The following CSMD1 variants were observed in gnomAD, a reference collection of about 807,000 sequenced individuals.
The protein encoded by CSMD1 is CUB and Sushi multiple domains 1.
Under a neutral mutation model 417.5 loss-of-function variants are expected in CSMD1, and 213 were observed. The ratio of observed to expected loss-of-function variants is 0.51; its 90% CI spans 0.46 to 0.57. The LOEUF is 0.57. CSMD1 is among the 20% of genes least tolerant of loss of function. The pLI, the probability that CSMD1 is intolerant of heterozygous loss-of-function variation, is 0.00. For missense variants in CSMD1, 6,923 were observed against 4,529.7 expected, an observed-to-expected ratio of 1.53 and a Z score of -15.17; for synonymous variants, 2,862 against 1,736.8, an observed-to-expected ratio of 1.65 and a Z score of -16.11.
chr8:4,122,511 A>G (rs577590150), intron 3 of CSMD1, among the ~76,000 whole-genome samples: 56 of 152,308 alleles, frequency 3.7e-4, no homozygotes, highest in African/African-American at 1.1e-3. Context: ...AAAGAGAACC[A>G]GAAAGTACCA....
chr8:3,680,045 G>A (rs1259386473), intron 7 of CSMD1, among the ~76,000 whole-genome samples: 2 of 151,994 alleles, frequency 1.3e-5, no homozygotes, highest in African/African-American at 2.4e-5. Context: ...AGTGTGTAGA[G>A]GAAAATTTAT....
At chr8:3,796,615 TATAG>T (rs1373260753) in intron 5 of CSMD1, among the ~76,000 whole-genome samples, 1 of 148,214 alleles carries the variant, frequency 6.7e-6, no homozygotes, top group Non-Finnish European at 1.5e-5. Flanking sequence ...TGTATAGATG[TATAG>T]ATATATATCT....
At chr8:3,450,726 T>C (rs1349858917) in intron 12 of CSMD1, among the ~76,000 whole-genome samples, 1 of 152,158 alleles carries the variant, frequency 6.6e-6, no homozygotes, top group Non-Finnish European at 1.5e-5. Context: ...GTTGGACATT[T>C]GGGTTGGTTC....
At chr8:4,933,500 C>T (rs1286025788) in intron 1 of CSMD1, among the ~76,000 whole-genome samples, 1 of 152,126 alleles carries the variant, frequency 6.6e-6, no homozygotes, top group Non-Finnish European at 1.5e-5. Flanking sequence ...TAAGTAAATG[C>T]CAGCAGTTGC....
At chr8:4,581,029 A>G (rs1417785850) in intron 2 of CSMD1, among the ~76,000 whole-genome samples, 3 of 152,214 alleles carry the variant, frequency 2.0e-5, no homozygotes, top group Non-Finnish European at 2.9e-5. Context: ...ATGGCTAGGT[A>G]AATCAATCCA....
chr8:3,735,120 C>G (rs1043216764), intron 6 of CSMD1, among the ~76,000 whole-genome samples: 3 of 152,234 alleles, frequency 2.0e-5, no homozygotes, highest in Non-Finnish European at 4.4e-5. Flanking sequence ...CAAAATAACT[C>G]TTTTCAATCA....
At position 3,209,933 on chromosome 8, in the gene CSMD1, G is replaced by T. The variant is rs372454724; in HGVS notation, c.4868-4313C>A. ...AAAACTAGCAAACAGAAGTCATTGTGACCCATGAAAGGGGCTCAACTTTGC... is the reference window on the plus strand; with the variant it reads ...AAAACTAGCAAACAGAAGTCATTGTTACCCATGAAAGGGGCTCAACTTTGC... On this transcript the variant is annotated intron_variant, in intron 30 of 69. Coordinates refer to ENST00000635120, the MANE Select transcript of CSMD1 (RefSeq NM_033225.6). Among the ~76,000 whole-genome samples the T allele has an allele frequency of 2.6e-5, 4 of 152,194 alleles. No individual in the cohort carries two copies. In the East Asian group the frequency reaches 7.7e-4, roughly 29 times the overall value.
At chr8:4,089,876 C>T (rs561560041) in intron 3 of CSMD1, among the ~76,000 whole-genome samples, 28 of 152,160 alleles carry the variant, frequency 1.8e-4, no homozygotes, top group Admixed American at 5.9e-4. Flanking sequence ...CAGAGAAGTA[C>T]CTGCAGAGCT....
intron 26 of CSMD1, among the ~76,000 whole-genome samples, chr8:3,254,767 T>C (rs1470185138): frequency 6.6e-6 from 1 of 152,178 alleles, no homozygotes; most frequent in Non-Finnish European, 1.5e-5. Flanking sequence ...TAGTTAGCCA[T>C]TCATGTAATT....
chr8:4,165,606 T>G (rs1178808233), intron 3 of CSMD1, among the ~76,000 whole-genome samples: 1 of 152,186 alleles, frequency 6.6e-6, no homozygotes, highest in East Asian at 1.9e-4. Flanking sequence ...TCTCACTATG[T>G]TGCCCAGGCT....
chr8:3,343,043 T>A (rs756462355), intron 23 of CSMD1, among the ~76,000 whole-genome samples: 1 of 152,162 alleles, frequency 6.6e-6, no homozygotes, highest in South Asian at 2.1e-4. Context: ...AGATCTAAAA[T>A]GTTGTAAGAC....
chr8:4,491,404 G>C (rs1245492943), intron 2 of CSMD1, among the ~76,000 whole-genome samples: 1 of 152,094 alleles, frequency 6.6e-6, no homozygotes, highest in African/African-American at 2.4e-5. Context: ...TTGCAATACA[G>C]TTAACCTTAC....
intron 11 of CSMD1, among the ~76,000 whole-genome samples, chr8:3,485,505 T>C (rs915061763): frequency 2.8e-5 from 4 of 144,008 alleles, no homozygotes; most frequent in Non-Finnish European, 4.5e-5. Flanking sequence ...GGTAGTGAAA[T>C]TGTATAGAAC....
At chr8:4,462,527 G>C (rs1799898341) in intron 2 of CSMD1, among the ~76,000 whole-genome samples, 1 of 152,030 alleles carries the variant, frequency 6.6e-6, no homozygotes, top group East Asian at 1.9e-4. Context: ...AAAGGACTTA[G>C]AATACTCAAA....
intron 5 of CSMD1, among the ~76,000 whole-genome samples, chr8:3,833,822 G>C (rs933400530): frequency 6.6e-6 from 1 of 152,032 alleles, no homozygotes; most frequent in African/African-American, 2.4e-5. Flanking sequence ...AAACAAAATG[G>C]TTAAACAATA....
intron 21 of CSMD1, among the ~76,000 whole-genome samples, chr8:3,352,762 C>A (rs1339776353): frequency 6.6e-6 from 1 of 152,134 alleles, no homozygotes; most frequent in South Asian, 2.1e-4. Flanking sequence ...CTTGCTTGAA[C>A]CCAGGAGGTG....
Position 3,474,977 on chromosome 8 carries a change from C to T in CSMD1, c.1449-6153G>A, listed in dbSNP as rs567956683. Among the ~76,000 whole-genome samples the T allele has an allele frequency of 9.0e-4, 137 of 152,260 alleles. 2 individuals carry two copies. The South Asian group carries it at 0.027, about 30-fold the overall frequency. ...TGCCTGCCTTTTTTGCCCCCAAGCC[C>T]TGCAGTGTAAAACTCTGTCATCTCC... On this transcript the variant is annotated intron_variant, in intron 11 of 69. Transcript: ENST00000635120.
intron 6 of CSMD1, among the ~76,000 whole-genome samples, chr8:3,714,513 G>C (rs1801712398): frequency 1.5e-5 from 2 of 131,634 alleles, no homozygotes; most frequent in Non-Finnish European, 3.1e-5. Flanking sequence ...CATGAAGTTA[G>C]GAGTTCAACA....
At chr8:4,728,992 G>T (rs1809664918) in intron 1 of CSMD1, among the ~76,000 whole-genome samples, 1 of 152,156 alleles carries the variant, frequency 6.6e-6, no homozygotes, top group Non-Finnish European at 1.5e-5. Context: ...GAGGGAGACT[G>T]TGGTGATATA....
Sources: allele counts gnomAD v4.1 joint callset (sites outside exome capture counted in the v4.1 genomes callset), GRCh38; gene constraint gnomAD v4.1.1; transcripts MANE v1.5; gene names NCBI Gene and HGNC (gene_info 2026-07-23, HGNC 2026-07-21).